MACF1: variants seen among roughly 807,000 people sequenced by gnomAD.
The protein encoded by MACF1 is microtubule actin crosslinking factor 1.
MACF1 carries 193 observed loss-of-function variants against 854.8 expected under a neutral mutation model. That is an observed-to-expected ratio of 0.23 (90% CI 0.20 to 0.25). The LOEUF (loss-of-function observed/expected upper bound fraction) is 0.25. MACF1 is among the 10% of genes least tolerant of loss of function. The pLI, the probability that MACF1 is intolerant of heterozygous loss-of-function variation, is 1.00. For synonymous variants in MACF1, 3,185 were observed against 3,226.7 expected, an observed-to-expected ratio of 0.99 and a Z score of 0.44; for missense variants, 7,722 against 8,929.1, an observed-to-expected ratio of 0.86 and a Z score of 5.45.
Position 39,387,855 on chromosome 1 carries a change from C to A in MACF1, c.15013C>A (p.Leu5005Ile). ...TEELQAKTGS[L>I]EEMTQRLREF... ...AGAGCTGCAGGCCAAAACAGGGTCACTCGAAGAAATGACTCAGAGGCTCAG... is the reference window on the plus strand; with the variant it reads ...AGAGCTGCAGGCCAAAACAGGGTCAATCGAAGAAATGACTCAGAGGCTCAG... Residue 5005 changes from leucine (L) to isoleucine (I), a missense_variant, in exon 58 of 101, where the codon CTC becomes ATC. Physicochemically the swap from Leu to Ile is conservative, Grantham distance 5 (BLOSUM62 2). Transcript: ENST00000564288. 1 of 1,614,028 alleles carries A rather than the reference C, an allele frequency of 6.2e-7. No individual in the cohort carries two copies. Among genetic ancestry groups the A allele is most frequent in the Non-Finnish European group, 8.5e-7 (1 of 1,180,012 alleles).
intron 2 of MACF1, among the ~76,000 whole-genome samples, chr1:39,170,740 C>G (rs1446343146): frequency 6.6e-6 from 1 of 152,214 alleles, no homozygotes; most frequent in East Asian, 1.9e-4. Context: ...CCTTGTAGAG[C>G]TTATATTCTA....
intron 63 of MACF1, 70 bp downstream of exon 63, chr1:39,428,357 C>A: frequency 7.1e-7 from 1 of 1,400,622 alleles, no homozygotes; most frequent in South Asian, 1.5e-5. Context: ...TGTTTCTCTT[C>A]ATTTATTTTT....
rs111944738 is a variant in MACF1 at position 39,437,060 on chromosome 1, T to C, written c.17989-717T>C. On this transcript the variant is annotated intron_variant, in intron 70 of 100. Coordinates refer to ENST00000564288, the MANE Select transcript of MACF1 (RefSeq NM_001394062.1). ...ACACAGCTGGTGGAGGGCATCTAAC[T>C]TGTTGGTCTAGTCTGTTGCATGCAA... 5.2e-3 allele frequency among the ~76,000 whole-genome samples: 790 copies of C among 152,250 alleles called. 6 individuals are homozygous for C. The highest frequency in any genetic ancestry group is 0.018 in the African/African-American group (731 of 41,548).
chr1:39,424,252 T>G (rs902949567), intron 61 of MACF1, 58 bp downstream of exon 61: 6 of 1,445,630 alleles, frequency 4.2e-6, no homozygotes, highest in Admixed American at 3.7e-5. Flanking sequence ...CTTCTTCGAC[T>G]TATTATCACT....
At position 39,107,894 on chromosome 1, in the gene MACF1, A is replaced by G. The variant is rs114714540; in HGVS notation, c.220+23456A>G. ...AAGCAGGATTTTTATATGCAGAAGG[A>G]GAGCTAAAATTTTCAGCTGCCTAAA... is the stretch of plus-strand genomic sequence containing the variant. On this transcript the variant is annotated intron_variant, in intron 2 of 93. Transcript: ENST00000361689. Among the ~76,000 whole-genome samples the G allele has an allele frequency of 8.7e-3, 1,329 of 152,270 alleles. 24 individuals carry two copies. Among genetic ancestry groups the G allele is most frequent in the African/African-American group, 0.03 (1,260 of 41,538 alleles).
At chr1:39,349,448 T>C in intron 41 of MACF1, 30 bp from the exon 42 acceptor site, 1 of 1,567,146 alleles carries the variant, frequency 6.4e-7, no homozygotes, top group Non-Finnish European at 8.6e-7. Context: ...AATTACGAAA[T>C]GTCTCTTGAC....
In MACF1 at chr1:39,459,176, G is replaced by T. The variant is rs376254871; in HGVS notation, c.21287G>T (p.Arg7096Leu). 10 of 1,613,932 alleles carry T rather than the reference G, an allele frequency of 6.2e-6. No individual in the cohort carries two copies. Among genetic ancestry groups the T allele is most frequent in the Non-Finnish European group, 8.5e-6 (10 of 1,179,986 alleles). ...KNPRINQLSA[R>L]WQQVWLLALE... ...CCACGGATCAACCAGCTTTCTGCCC[G>T]CTGGCAGCAGGTGTGGCTGTTAGCA... The change falls in exon 91 of 101, where the codon CGC (arginine) becomes CTC (leucine). Residue 7096 changes from arginine to leucine, a missense_variant. By Grantham distance (102) the Arg-to-Leu change is moderately radical (BLOSUM62 -2). Transcript: ENST00000564288.
chr1:39,471,488 T>A (rs1570201703), intron 97 of MACF1, among the ~76,000 whole-genome samples: 1 of 152,162 alleles, frequency 6.6e-6, no homozygotes, highest in East Asian at 1.9e-4. Flanking sequence ...TTACCTCCTT[T>A]TACACAGCTA....
intron 79 of MACF1, among the ~76,000 whole-genome samples, chr1:39,444,319 G>A (rs1424169418): frequency 2.0e-5 from 3 of 151,890 alleles, no homozygotes; most frequent in African/African-American, 7.3e-5. Flanking sequence ...CTGGGTGACA[G>A]AGTGAGACTC....
In MACF1 at chr1:39,377,267, C is replaced by T. The variant is rs1378651545; in HGVS notation, c.13214-1194C>T. 2.6e-5 allele frequency among the ~76,000 whole-genome samples: 4 copies of T among 152,194 alleles called. No individual in the cohort carries two copies. The East Asian group carries it at 7.7e-4, about 29-fold the overall frequency. The stretch of plus-strand genomic sequence containing the variant: ...GCTCAGGCAATCCACCCACCTCAGC[C>T]TCCCAAAGTGCTAGGATTACAGGTG... On this transcript the variant is annotated intron_variant, in intron 52 of 100. Transcript: ENST00000564288.
In MACF1 at chr1:39,452,214, G is replaced by A; in HGVS notation, c.20477G>A (p.Gly6826Asp). 6.2e-7 allele frequency: 1 copy of A among 1,614,206 alleles called. No homozygotes were observed. Among genetic ancestry groups the A allele is most frequent in the Non-Finnish European group, 8.5e-7 (1 of 1,180,022 alleles). The change falls in exon 86 of 101, where the codon GGC (glycine) becomes GAC (aspartate). Residue 6826 changes from glycine (G) to aspartate (D), a missense_variant. Physicochemically the swap from Gly to Asp is moderately conservative, Grantham distance 94. Around this residue, in one of 15 missense-constraint regions of MACF1, gnomAD observed 729 missense variants for 900.5 expected, o/e 0.81. Coordinates refer to ENST00000564288, the MANE Select transcript of MACF1 (RefSeq NM_001394062.1). ...ACCGTTCAGGTCCTGAAGCGGTCAG[G>A]CCGAGAGCTGATTGAGAATAGTCGA... ...TGTVQVLKRSGRELIENSRDD... is the reference protein window; with the variant it reads ...TGTVQVLKRSDRELIENSRDD...
At chr1:39,254,520 C>T (rs1645076503) in intron 5 of MACF1, 145 bp downstream of exon 5, 1 of 670,832 alleles carries the variant, frequency 1.5e-6, no homozygotes, top group Non-Finnish European at 2.6e-6. Flanking sequence ...TGCTAGTGAG[C>T]AATTGTATTC....
In MACF1 at chr1:39,461,917, G is replaced by A. The variant is rs755115353; in HGVS notation, c.21558G>A (p.Val7186=). ...FPTTKLEMTA[V]ADIFDRDGDG... ...CCACCAAGTTAGAGATGACTGCTGT[G>A]GCTGACATTTTCGACCGAGATGGGG... The change falls in exon 93 of 101, where the codon GTG becomes GTA. Residue 7186 remains valine, a synonymous_variant. Transcript: ENST00000564288. 4.3e-6 allele frequency: 7 copies of A among 1,613,830 alleles called. No individual in the cohort carries two copies. The South Asian group carries it at 6.6e-5, about 15-fold the overall frequency.
At position 39,486,313 on chromosome 1, in the gene MACF1, A is replaced by G. The variant is rs1199817847; in HGVS notation, c.*519A>G. Reference sequence around the variant, plus strand: ...TTTTTCCATTGTTTAATGTTTTGTGATTTTTAGCTAAAGAGAGGGAACCTC... The same window carrying G: ...TTTTTCCATTGTTTAATGTTTTGTGGTTTTTAGCTAAAGAGAGGGAACCTC... On this transcript the variant is annotated 3_prime_UTR_variant, in exon 101 of 101. Transcript: ENST00000564288. 2 of 152,600 alleles carry G rather than the reference A, an allele frequency of 1.3e-5. No individual in the cohort carries two copies. Among genetic ancestry groups the G allele is most frequent in the South Asian group, 2.1e-4 (1 of 4,830 alleles). 9.5% of individuals were successfully genotyped at this position (152,600 alleles called of 1,614,324 possible).
intron 85 of MACF1, among the ~76,000 whole-genome samples, chr1:39,451,477 C>T (rs1644339895): frequency 6.6e-6 from 1 of 152,136 alleles, no homozygotes; most frequent in Non-Finnish European, 1.5e-5. Context: ...AGTTGAGTCA[C>T]AAAATGGATC....
At chr1:39,477,071 A>ATACACACATATATACACTTAGTG (rs1553457821) in intron 97 of MACF1, among the ~76,000 whole-genome samples, 1 of 16,810 alleles carries the variant, frequency 5.9e-5, no homozygotes, top group Non-Finnish European at 1.0e-4. Context: ...ATATATATAT[A>ATACACACATATATACACTTAGTG]TATATATATA....
rs192157026 is a variant in MACF1 at position 39,332,745 on chromosome 1, G to A, written c.6157G>A (p.Asp2053Asn). Residue 2053 changes from aspartate (D) to asparagine (N), a missense_variant, in exon 37 of 101, where the codon GAT becomes AAT. Coordinates refer to ENST00000564288, the MANE Select transcript of MACF1 (RefSeq NM_001394062.1). ...TTCTTCTCAGAACAAAGAATATCCC[G>A]ATCGGGAAGATTGCACTACAGAAAA... ...QFSSQNKEYP[D>N]REDCTTEKGK... 21 of 1,614,130 alleles carry A rather than the reference G, an allele frequency of 1.3e-5. No homozygotes were observed. The Admixed American group carries it at 2.8e-4, about 22-fold the overall frequency.
intron 2 of MACF1, among the ~76,000 whole-genome samples, chr1:39,106,877 C>T (rs1642256151): frequency 7.1e-6 from 1 of 141,836 alleles, no homozygotes; most frequent in Non-Finnish European, 1.5e-5. Context: ...AGATGAAATG[C>T]GAAAAAAGAC....
intron 61 of MACF1, among the ~76,000 whole-genome samples, chr1:39,424,732 T>C (rs1211409331): frequency 6.6e-6 from 1 of 152,224 alleles, no homozygotes; most frequent in South Asian, 2.1e-4. Context: ...CAAGGAAATA[T>C]TCCCTTTCTC....
Sources: allele counts gnomAD v4.1 joint callset (sites outside exome capture counted in the v4.1 genomes callset), GRCh38; gene constraint gnomAD v4.1.1; regional missense constraint gnomAD v4.1.1; transcripts MANE v1.5; gene names NCBI Gene and HGNC (gene_info 2026-07-23, HGNC 2026-07-21).